CALN1: variants seen among roughly 807,000 people sequenced by gnomAD.
CALN1 encodes calneuron 1.
In CALN1, 17 loss-of-function variants were observed where a neutral mutation model predicts 30.6. The observed-to-expected ratio is 0.56, with a 90% confidence interval of 0.38 to 0.83. CALN1 has a LOEUF of 0.83. Among genes scored for constraint, CALN1 ranks in the 40% least tolerant of loss-of-function variants. CALN1 has a pLI of 0.00. For synonymous variants in CALN1, 156 were observed against 131.4 expected, an observed-to-expected ratio of 1.19 and a Z score of -1.28; for missense variants, 291 against 354.9, an observed-to-expected ratio of 0.82 and a Z score of 1.45.
chr7:72,304,664 T>C (rs1056953262), intron 2 of CALN1, among the ~76,000 whole-genome samples: 4 of 152,164 alleles, frequency 2.6e-5, no homozygotes, highest in Admixed American at 6.6e-5. Context: ...CCTATTCTTA[T>C]ATTACTTTCA....
chr7:72,025,038 C>T (rs1219412094), intron 4 of CALN1, among the ~76,000 whole-genome samples: 1 of 152,066 alleles, frequency 6.6e-6, no homozygotes, highest in Non-Finnish European at 1.5e-5. Context: ...TGGCCAGGTG[C>T]GGTGGCTCAT....
In CALN1 at chr7:72,247,227, C is replaced by CTTTTT. The variant is rs764276435; in HGVS notation, c.244+31454_244+31458dup. ...GGGTTTTCAACAGACCATTTTCTTT[C>CTTTTT]TTTTTTTTTTTTTTTTTTTTTTTTT... On this transcript the variant is annotated intron_variant, in intron 3 of 6. Transcript: ENST00000395275. 2.4e-3 allele frequency among the ~76,000 whole-genome samples: 183 copies of CTTTTT among 77,670 alleles called. 16 individuals carry two copies. The highest frequency in any genetic ancestry group is 2.7e-3 in the Non-Finnish European group (114 of 42,938). 51.0% of individuals were successfully genotyped at this position (77,670 alleles called of 152,430 possible).
At chr7:72,271,575 A>AAAAAAAAAAAAAAAATATATATATAT in intron 3 of CALN1, among the ~76,000 whole-genome samples, 4 of 52,122 alleles carry the variant, frequency 7.7e-5, no homozygotes, top group African/African-American at 1.3e-4. Context: ...AAAAAAAAAA[A>AAAAAAAAAAAAAAAATATATATATAT]ATATATATAT....
chr7:72,414,197 C>A (rs909414287), upstream of CALN1, among the ~76,000 whole-genome samples: 2 of 152,132 alleles, frequency 1.3e-5, no homozygotes, highest in African/African-American at 4.8e-5. Context: ...GAGACCCATG[C>A]TGGAGCCAGA....
chr7:72,200,119 T>A (rs1485962456), intron 3 of CALN1, among the ~76,000 whole-genome samples: 1 of 152,118 alleles, frequency 6.6e-6, no homozygotes, highest in Non-Finnish European at 1.5e-5. Context: ...TAAATGTTGA[T>A]GCCCCGACAA....
chr7:71,860,384 G>A (rs1791204531), intron 5 of CALN1, among the ~76,000 whole-genome samples: 1 of 151,994 alleles, frequency 6.6e-6, no homozygotes. Flanking sequence ...GTAGAAACGG[G>A]GTTTCACCAT....
At chr7:71,915,315 A>G (rs1049894353) in intron 5 of CALN1, among the ~76,000 whole-genome samples, 1 of 152,230 alleles carries the variant, frequency 6.6e-6, no homozygotes, top group Non-Finnish European at 1.5e-5. Context: ...TTTCGAAAAG[A>G]GGTGAACCAA....
intron 4 of CALN1, among the ~76,000 whole-genome samples, chr7:72,069,869 G>A (rs1355815789): frequency 6.6e-6 from 1 of 152,126 alleles, no homozygotes; most frequent in Admixed American, 6.5e-5. Context: ...AAAGTAAAGT[G>A]TTACATAAGT....
chr7:72,397,724 A>T (rs1193845486), intron 2 of CALN1, among the ~76,000 whole-genome samples: 8 of 150,874 alleles, frequency 5.3e-5, no homozygotes, highest in African/African-American at 2.0e-4. Flanking sequence ...TCACACACAC[A>T]CACACACACA....
At chr7:72,396,686 G>A (rs993393683) in intron 2 of CALN1, among the ~76,000 whole-genome samples, 5 of 152,132 alleles carry the variant, frequency 3.3e-5, no homozygotes, top group Non-Finnish European at 5.9e-5. Flanking sequence ...AGTTGGGTGG[G>A]TAGGGAGTTG....
chr7:72,331,570 G>C (rs899585287), intron 2 of CALN1, among the ~76,000 whole-genome samples: 1 of 152,186 alleles, frequency 6.6e-6, no homozygotes, highest in Non-Finnish European at 1.5e-5. Context: ...TCTTGGCTTT[G>C]CCCAGGAAAG....
At chr7:71,836,963 G>A (rs1789648902) in intron 5 of CALN1, among the ~76,000 whole-genome samples, 1 of 150,620 alleles carries the variant, frequency 6.6e-6, no homozygotes. Flanking sequence ...CAGGCAAGGT[G>A]GCTCCTGCCT....
At chr7:71,943,861 C>T (rs538265303) in intron 5 of CALN1, among the ~76,000 whole-genome samples, 1 of 152,188 alleles carries the variant, frequency 6.6e-6, no homozygotes, top group Admixed American at 6.5e-5. Flanking sequence ...TTTTCAAAGA[C>T]ATCTATGTAT....
intron 4 of CALN1, among the ~76,000 whole-genome samples, chr7:72,090,867 A>G (rs1251510049): frequency 6.6e-6 from 1 of 152,042 alleles, no homozygotes; most frequent in African/African-American, 2.4e-5. Flanking sequence ...ATGGTAGCTT[A>G]AAAAAAATAT....
intron 5 of CALN1, among the ~76,000 whole-genome samples, chr7:71,909,809 C>T (rs1274690811): frequency 2.0e-5 from 3 of 152,178 alleles, no homozygotes; most frequent in African/African-American, 7.2e-5. Flanking sequence ...GTTCTAACTA[C>T]CCTGAAGTCT....
chr7:71,919,578 A>G (rs1794835950), intron 5 of CALN1, among the ~76,000 whole-genome samples: 1 of 152,240 alleles, frequency 6.6e-6, no homozygotes, highest in Non-Finnish European at 1.5e-5. Context: ...TAGCTATAAC[A>G]GAACAATGTA....
intron 3 of CALN1, among the ~76,000 whole-genome samples, chr7:72,277,495 T>C (rs1436792605): frequency 6.6e-6 from 1 of 152,214 alleles, no homozygotes; most frequent in Admixed American, 6.5e-5. Context: ...ATCTTGATTC[T>C]GCCCCAATCA....
chr7:72,035,502 A>G (rs1308094026), intron 4 of CALN1, among the ~76,000 whole-genome samples: 1 of 152,162 alleles, frequency 6.6e-6, no homozygotes, highest in Non-Finnish European at 1.5e-5. Context: ...TTGTTTCCAC[A>G]TGCCTTAAGG....
In CALN1 at chr7:72,317,434, A is replaced by G. The variant is rs188970846; in HGVS notation, c.120-38624T>C. 3.2e-3 allele frequency among the ~76,000 whole-genome samples: 495 copies of G among 152,358 alleles called. 2 individuals are homozygous for G. Among genetic ancestry groups the G allele is most frequent in the Middle Eastern group, 0.027 (8 of 294 alleles). ...GGATTTATTCCTAAACATTTCTACA[A>G]TGAAGGCTGAGAGGATCTAATGTTG... On this transcript the variant is annotated intron_variant, in intron 2 of 6. Coordinates refer to ENST00000395275, the MANE Select transcript of CALN1 (RefSeq NM_031468.4).
Sources: allele counts gnomAD v4.1 joint callset (sites outside exome capture counted in the v4.1 genomes callset), GRCh38; gene constraint gnomAD v4.1.1; transcripts MANE v1.5; gene names NCBI Gene and HGNC (gene_info 2026-07-23, HGNC 2026-07-21).